GALNT17: variants seen among roughly 807,000 people sequenced by gnomAD.
The protein encoded by GALNT17 is UDP-GalNAc:polypeptide N-acetylgalactosaminyltransferase-like 3.
In GALNT17, 29 loss-of-function variants were observed where a neutral mutation model predicts 63.7. The ratio of observed to expected loss-of-function variants is 0.46; its 90% CI spans 0.34 to 0.62. The LOEUF (loss-of-function observed/expected upper bound fraction) is 0.62, where lower values mean the gene tolerates loss of function less well. GALNT17 is among the 20% of genes least tolerant of loss of function. The pLI is 0.01. For missense variants in GALNT17, 603 were observed against 799.6 expected (o/e 0.75, Z 2.97); for synonymous variants, 305 against 318.3 (o/e 0.96, Z 0.45).
intron 5 of GALNT17, among the ~76,000 whole-genome samples, chr7:71,516,105 C>T (rs1464434788): frequency 1.3e-5 from 2 of 152,070 alleles, no homozygotes; most frequent in Non-Finnish European, 2.9e-5. Context: ...GCATTGGACT[C>T]TTGGTGGACA....
chr7:71,225,732 G>A (rs10950251), intron 1 of GALNT17, among the ~76,000 whole-genome samples: 47,337 of 152,122 alleles, frequency 0.31, 8,850 homozygotes, highest in South Asian at 0.53. Context: ...GAGGATTACT[G>A]CCATGCTGTC....
At chr7:71,514,360 T>C (rs1190287029) in intron 5 of GALNT17, among the ~76,000 whole-genome samples, 1 of 152,022 alleles carries the variant, frequency 6.6e-6, no homozygotes, top group East Asian at 1.9e-4. Context: ...AAGGTACCCT[T>C]ACCAGGTGAA....
At chr7:71,373,604 T>C (rs571425336) in intron 2 of GALNT17, among the ~76,000 whole-genome samples, 1 of 152,016 alleles carries the variant, frequency 6.6e-6, no homozygotes, top group East Asian at 1.9e-4. Flanking sequence ...TCACTTGAGC[T>C]CTGGCTCCTG....
chr7:71,158,281 G>A (rs1293173670), intron 1 of GALNT17, among the ~76,000 whole-genome samples: 1 of 151,804 alleles, frequency 6.6e-6, no homozygotes, highest in Non-Finnish European at 1.5e-5. Flanking sequence ...TCGTGGCCAA[G>A]GTAGTTGGCA....
chr7:71,252,918 AAC>A (rs1790225987), intron 1 of GALNT17, among the ~76,000 whole-genome samples: 1 of 152,222 alleles, frequency 6.6e-6, no homozygotes. Context: ...AATGTAAATT[AAC>A]AGTTTATCTT....
chr7:71,145,221 A>G (rs1452540063), intron 1 of GALNT17, among the ~76,000 whole-genome samples: 1 of 152,120 alleles, frequency 6.6e-6, no homozygotes, highest in African/African-American at 2.4e-5. Context: ...AGTGTCTCAA[A>G]GGGAAAACTG....
chr7:71,541,682 T>C (rs1411347575), intron 5 of GALNT17, among the ~76,000 whole-genome samples: 1 of 152,158 alleles, frequency 6.6e-6, no homozygotes, highest in African/African-American at 2.4e-5. Flanking sequence ...ACCTGTGTCA[T>C]GCCACTAAGC....
intron 5 of GALNT17, among the ~76,000 whole-genome samples, chr7:71,521,055 A>G (rs1366525116): frequency 2.0e-5 from 3 of 152,226 alleles, no homozygotes; most frequent in Non-Finnish European, 4.4e-5. Context: ...GGAAGATGCC[A>G]TGTGGGTCCT....
intron 1 of GALNT17, among the ~76,000 whole-genome samples, chr7:71,299,254 A>T (rs1279088585): frequency 6.6e-6 from 1 of 152,174 alleles, no homozygotes; most frequent in African/African-American, 2.4e-5. Flanking sequence ...CATGTTAATA[A>T]CTTTTCTCTT....
intron 9 of GALNT17, among the ~76,000 whole-genome samples, chr7:71,690,019 C>CTTTTTTTTTTTTTT (rs36049127): frequency 1.4e-5 from 2 of 142,826 alleles, no homozygotes; most frequent in African/African-American, 2.6e-5. Context: ...TACTGAATAT[C>CTTTTTTTTTTTTTT]TTTTTTTTTT....
chr7:71,369,950 C>T (rs929547061), intron 2 of GALNT17, among the ~76,000 whole-genome samples: 16 of 151,440 alleles, frequency 1.1e-4, no homozygotes, highest in African/African-American at 2.2e-4. Flanking sequence ...GGATTGAAAA[C>T]GTTCTTTTGA....
intron 5 of GALNT17, among the ~76,000 whole-genome samples, chr7:71,426,027 C>T (rs575810847): frequency 2.6e-5 from 4 of 152,132 alleles, no homozygotes; most frequent in Non-Finnish European, 2.9e-5. Context: ...AACCAGATCT[C>T]TTGAGAACTC....
At chr7:71,450,973 C>T (rs1264222610) in intron 5 of GALNT17, among the ~76,000 whole-genome samples, 4 of 149,384 alleles carry the variant, frequency 2.7e-5, no homozygotes, top group Non-Finnish European at 5.9e-5. Flanking sequence ...GGTACATGTG[C>T]ACAATGTGCA....
chr7:71,382,117 C>T (rs150318573), intron 2 of GALNT17, among the ~76,000 whole-genome samples: 1,887 of 152,046 alleles, frequency 0.012, 40 homozygotes, highest in African/African-American at 0.043. Flanking sequence ...TGGTGGCTCA[C>T]GCCTGTAATC....
chr7:71,318,685 C>T (rs937741866), intron 1 of GALNT17, among the ~76,000 whole-genome samples: 2 of 152,114 alleles, frequency 1.3e-5, no homozygotes, highest in Non-Finnish European at 2.9e-5. Flanking sequence ...ACCTCAGCCT[C>T]CCAAAGTGCT....
intron 6 of GALNT17, among the ~76,000 whole-genome samples, chr7:71,664,314 A>G (rs1007519882): frequency 2.0e-5 from 3 of 152,168 alleles, no homozygotes; most frequent in Non-Finnish European, 2.9e-5. Flanking sequence ...GAGCATATTA[A>G]CAGTGTAGAA....
chr7:71,489,167 T>C (rs914747826), intron 5 of GALNT17, among the ~76,000 whole-genome samples: 3 of 152,074 alleles, frequency 2.0e-5, no homozygotes, highest in African/African-American at 7.2e-5. Context: ...GTGTTGGGAT[T>C]ACAGGCATGA....
chr7:71,267,206 G>A (rs1354701102), intron 1 of GALNT17, among the ~76,000 whole-genome samples: 2 of 152,176 alleles, frequency 1.3e-5, no homozygotes, highest in Admixed American at 6.5e-5. Context: ...GCCAGGCTCT[G>A]GTTCTGTCGA....
At chr7:71,167,728 C>T (rs969980294) in intron 1 of GALNT17, among the ~76,000 whole-genome samples, 2 of 152,106 alleles carry the variant, frequency 1.3e-5, no homozygotes, top group South Asian at 2.1e-4. Flanking sequence ...CTCACTGTGT[C>T]GCTCAGGCTG....
Sources: gnomAD v4.1 joint callset for allele counts (sites outside exome capture counted in the v4.1 genomes callset) on GRCh38, gnomAD v4.1.1 for gene constraint, MANE v1.5 for transcripts, NCBI Gene and HGNC (gene_info 2026-07-23, HGNC 2026-07-21) for gene names.